GPHN: variants seen among roughly 807,000 people sequenced by gnomAD.
GPHN encodes gephyrin.
In GPHN, 17 loss-of-function variants were observed where a neutral mutation model predicts 95.5. The observed-to-expected ratio is 0.18, with a 90% CI of 0.12 to 0.27. GPHN has a LOEUF of 0.27. Ranked by LOEUF, GPHN falls within the 10% of genes least tolerant of loss-of-function variation. The pLI, the probability that GPHN is intolerant of heterozygous loss-of-function variation, is 1.00. For missense variants in GPHN, 660 were observed against 978.1 expected, an observed-to-expected ratio of 0.67 and a Z score of 4.34; for synonymous variants, 320 against 322.5, an observed-to-expected ratio of 0.99 and a Z score of 0.08.
the GPHN span, among the ~76,000 whole-genome samples, chr14:67,368,054 A>T: frequency 6.6e-6 from 1 of 152,124 alleles, no homozygotes; most frequent in South Asian, 2.1e-4. Flanking sequence ...GAAAACTTTT[A>T]CTACTTATAT....
At chr14:67,284,208 T>C in the GPHN span, among the ~76,000 whole-genome samples, 1 of 152,126 alleles carries the variant, frequency 6.6e-6, no homozygotes, top group South Asian at 2.1e-4. Context: ...CACTAATTTC[T>C]TATTTCATTT....
At chr14:67,620,893 G>A in the GPHN span, 1 of 1,614,100 alleles carries the variant, frequency 6.2e-7, no homozygotes, top group East Asian at 2.2e-5. Context: ...GTGACTGACA[G>A]AAAAGAAAAG....
intron 11 of GPHN, among the ~76,000 whole-genome samples, chr14:67,079,701 T>A (rs2153662264): frequency 6.6e-6 from 1 of 152,194 alleles, no homozygotes; most frequent in Admixed American, 6.5e-5. Flanking sequence ...GTGAGACAGA[T>A]CTTCAGAATT....
the GPHN span, among the ~76,000 whole-genome samples, chr14:67,453,554 A>ACCTATT: frequency 2.0e-5 from 3 of 152,144 alleles, no homozygotes; most frequent in Non-Finnish European, 2.9e-5. Context: ...TTTTAGCTGC[A>ACCTATT]CCTATTTTTG....
chr14:67,285,366 ATTT>A, the GPHN span, among the ~76,000 whole-genome samples: 4 of 137,820 alleles, frequency 2.9e-5, no homozygotes, highest in Non-Finnish European at 3.1e-5. Flanking sequence ...CCTTAGGTAA[ATTT>A]TTTTTTTTTT....
intron 1 of GPHN, among the ~76,000 whole-genome samples, chr14:66,641,058 A>G (rs1306011444): frequency 6.6e-6 from 1 of 152,228 alleles, no homozygotes; most frequent in Non-Finnish European, 1.5e-5. Context: ...ATGAATAGAT[A>G]CACTGTCCTA....
In GPHN at chr14:66,624,208, A is replaced by G. The variant is rs537597436; in HGVS notation, c.65-56899A>G. Among the ~76,000 whole-genome samples the G allele has an allele frequency of 2.6e-5, 4 of 152,316 alleles. No homozygotes were observed. The South Asian group carries it at 8.3e-4, about 32-fold the overall frequency. The stretch of plus-strand genomic sequence containing the variant: ...TTCTGGAAACATGTTTTCTCTTAGT[A>G]CAGTTCATTAATATGGCATAAGACA... On this transcript the variant is annotated intron_variant, in intron 1 of 22. Coordinates refer to ENST00000478722, the MANE Select transcript of GPHN (RefSeq NM_020806.5).
the GPHN span, chr14:67,674,608 C>T: frequency 1.1e-5 from 8 of 723,260 alleles, no homozygotes; most frequent in East Asian, 2.6e-4. Context: ...CACCGCCGCC[C>T]AGGACGAGGC....
At chr14:67,534,319 C>G in the GPHN span, among the ~76,000 whole-genome samples, 5 of 152,150 alleles carry the variant, frequency 3.3e-5, no homozygotes, top group African/African-American at 1.2e-4. Flanking sequence ...TGGCTTATGC[C>G]TGTAATCCCA....
chr14:67,147,269 G>A (rs1450393044), intron 18 of GPHN, among the ~76,000 whole-genome samples: 1 of 152,138 alleles, frequency 6.6e-6, no homozygotes, highest in East Asian at 1.9e-4. Flanking sequence ...ATGTTAAAGT[G>A]CCTATTACTC....
chr14:66,852,759 A>G (rs879564761), intron 4 of GPHN, among the ~76,000 whole-genome samples: 1 of 152,214 alleles, frequency 6.6e-6, no homozygotes, highest in Non-Finnish European at 1.5e-5. Flanking sequence ...GTGCCTATCA[A>G]TGTTTTCAAA....
At chr14:67,430,150 A>G in the GPHN span, among the ~76,000 whole-genome samples, 2 of 152,198 alleles carry the variant, frequency 1.3e-5, no homozygotes, top group East Asian at 3.9e-4. Flanking sequence ...ACGATGGGAC[A>G]TGGAGACAGG....
intron 1 of GPHN, among the ~76,000 whole-genome samples, chr14:66,595,614 C>T (rs1336216257): frequency 6.6e-6 from 1 of 152,166 alleles, no homozygotes; most frequent in Non-Finnish European, 1.5e-5. Context: ...CGGCACCCTG[C>T]AAGGCTGTGG....
chr14:67,549,959 G>A, the GPHN span, among the ~76,000 whole-genome samples: 1 of 152,144 alleles, frequency 6.6e-6, no homozygotes, highest in Non-Finnish European at 1.5e-5. Context: ...CTCTGCCATG[G>A]CCTTACCCCG....
chr14:67,629,504 A>C, the GPHN span, among the ~76,000 whole-genome samples: 1 of 152,222 alleles, frequency 6.6e-6, no homozygotes, highest in African/African-American at 2.4e-5. Context: ...ACAAAGTGGA[A>C]TATCAGTTAC....
At chr14:66,528,225 C>T (rs1354189425) in intron 1 of GPHN, among the ~76,000 whole-genome samples, 2 of 152,302 alleles carry the variant, frequency 1.3e-5, no homozygotes, top group Middle Eastern at 3.4e-3. Flanking sequence ...TAATGTCCTT[C>T]TTTGTCTCTT....
chr14:66,648,908 A>T (rs1029728882), intron 1 of GPHN, among the ~76,000 whole-genome samples: 1 of 152,154 alleles, frequency 6.6e-6, no homozygotes, highest in African/African-American at 2.4e-5. Flanking sequence ...ACCTAAGGAG[A>T]CTCAGGAGAA....
intron 1 of GPHN, among the ~76,000 whole-genome samples, chr14:66,520,893 G>A (rs770369560): frequency 5.3e-5 from 8 of 151,714 alleles, no homozygotes; most frequent in Non-Finnish European, 1.0e-4. Context: ...AGTGTCTGTC[G>A]TTCCCTTCTT....
intron 1 of GPHN, among the ~76,000 whole-genome samples, chr14:66,554,684 T>C (rs1370457076): frequency 6.6e-6 from 1 of 152,198 alleles, no homozygotes; most frequent in Non-Finnish European, 1.5e-5. Flanking sequence ...AAGATGAGAC[T>C]TGGATACAAA....
Sources: allele counts gnomAD v4.1 joint callset (sites outside exome capture counted in the v4.1 genomes callset), GRCh38; gene constraint gnomAD v4.1.1; transcripts MANE v1.5; gene names NCBI Gene and HGNC (gene_info 2026-07-23, HGNC 2026-07-21).